WDR33: variants seen among roughly 807,000 people sequenced by gnomAD.
The protein encoded by WDR33 is pre-mRNA 3' end processing protein WDR33.
In WDR33, 47 loss-of-function variants were observed where a neutral mutation model predicts 164.9. The observed-to-expected ratio is 0.29, with a 90% CI of 0.23 to 0.36. The LOEUF (loss-of-function observed/expected upper bound fraction) is 0.36. Among genes scored for constraint, WDR33 ranks in the 10% least tolerant of loss-of-function variants. The probability of loss-of-function intolerance (pLI) is 1.00; values close to 1 mark genes in which losing one functional copy is unlikely to be tolerated. For missense variants in WDR33, 1,137 were observed against 1,754.1 expected, an observed-to-expected ratio of 0.65 and a Z score of 6.28; for synonymous variants, 505 against 589.0, an observed-to-expected ratio of 0.86 and a Z score of 2.06.
intron 1 of WDR33, among the ~76,000 whole-genome samples, chr2:127,802,987 A>G (rs1235056714): frequency 2.0e-5 from 3 of 152,142 alleles, no homozygotes; most frequent in African/African-American, 7.2e-5. Flanking sequence ...TCTCAAAAAC[A>G]AACAAACAAA....
intron 1 of WDR33, among the ~76,000 whole-genome samples, chr2:127,786,233 CTG>C (rs1223019777): frequency 6.6e-6 from 1 of 152,172 alleles, no homozygotes; most frequent in Non-Finnish European, 1.5e-5. Flanking sequence ...CAGGGTCTCA[CTG>C]TGTTGTCCAG....
At chr2:127,805,790 A>C (rs1312850930) in intron 1 of WDR33, among the ~76,000 whole-genome samples, 2 of 152,216 alleles carry the variant, frequency 1.3e-5, no homozygotes, top group Non-Finnish European at 2.9e-5. Flanking sequence ...TCTGGCAGAA[A>C]GTAAGCTGTG....
intron 7 of WDR33, among the ~76,000 whole-genome samples, chr2:127,758,616 CTCTTTA>C (rs1283749650): frequency 6.6e-6 from 1 of 152,244 alleles, no homozygotes; most frequent in South Asian, 2.1e-4. Context: ...TTAACTGATT[CTCTTTA>C]TGAGTATAAT....
rs771559788 is a variant in WDR33, at chr2:127,724,974, C to A, written c.1007-9G>T. The A allele has an allele frequency of 6.2e-7, 1 of 1,614,124 alleles. No homozygotes were observed. The highest frequency in any genetic ancestry group is 1.7e-5 in the Admixed American group (1 of 60,018). ...AGGATGCCAGGCCACAGCTGCAGAA[C>A]AAAAACATGGGAAAAGACACAATTA... On this transcript the variant is annotated splice_polypyrimidine_tract_variant and intron_variant, in intron 9 of 21. Transcript: ENST00000322313. The surrounding 1 kb of genome is among the most constrained non-coding windows in gnomAD (Gnocchi z 4.8).
At position 127,719,292 on chromosome 2, in the gene WDR33, A is replaced by G; in HGVS notation, c.2733T>C (p.Gly911=). 2 of 1,456,340 alleles carry G rather than the reference A, an allele frequency of 1.4e-6. No individual in the cohort carries two copies. Among genetic ancestry groups the G allele is most frequent in the Non-Finnish European group, 1.8e-6 (2 of 1,102,982 alleles). The allele number at this position is 1,456,340 out of a possible 1,614,324, so 90.2% of individuals were successfully genotyped here. Reference sequence around the variant, plus strand: ...GGTTGAAGGGGGCCCGGGGCCCATCACCTAGCAGAGGCGTTTTCTGTTGCT... The same window carrying G: ...GGTTGAAGGGGGCCCGGGGCCCATCGCCTAGCAGAGGCGTTTTCTGTTGCT... ...PFQQQKTPLL[G]DGPRAPFNQE... The change falls in exon 16 of 22, where the codon GGT becomes GGC. Residue 911 remains glycine, a synonymous_variant. Coordinates refer to ENST00000322313, the MANE Select transcript of WDR33 (RefSeq NM_018383.5). This position sits in a 1 kb window ranked among gnomAD's most constrained non-coding sequence, Gnocchi z 6.5.
chr2:127,738,180 G>A lies in WDR33; in HGVS notation c.725-11403C>T. ...ATTTTTTTCTATTAATGAGTAATCT[G>A]AGATAACATATGCTCCAACTGGATC... On this transcript the variant is annotated intron_variant, in intron 7 of 21. Coordinates refer to ENST00000322313, the MANE Select transcript of WDR33 (RefSeq NM_018383.5). This position sits in a 1 kb window ranked among gnomAD's most constrained non-coding sequence, Gnocchi z 4.4. 1 of 715,680 alleles carries A rather than the reference G, an allele frequency of 1.4e-6. No individual in the cohort carries two copies. The highest frequency in any genetic ancestry group is 3.4e-5 in the South Asian group (1 of 29,666). The allele number at this position is 715,680 out of a possible 1,614,324, so 44.3% of individuals were successfully genotyped here.
rs1285468948 is a variant in WDR33, at chr2:127,765,101, C to A, written c.474+73G>T. 7 of 1,554,808 alleles carry A rather than the reference C, an allele frequency of 4.5e-6. No homozygotes were observed. The East Asian group carries it at 6.8e-5, about 15-fold the overall frequency. ...CGTCCCAATTCTAAGTTTAACAATG[C>A]CAATGAAATGACTATATCTCAAGTT... On this transcript the variant is annotated intron_variant, in intron 5 of 21. Coordinates refer to ENST00000322313, the MANE Select transcript of WDR33 (RefSeq NM_018383.5).
chr2:127,787,608 C>T (rs1372852541), intron 1 of WDR33, among the ~76,000 whole-genome samples: 15 of 71,720 alleles, frequency 2.1e-4, no homozygotes, highest in African/African-American at 3.5e-4. Context: ...CCAGTAGGGG[C>T]GGCCGGGCAG....
At chr2:127,788,250 C>G (rs1688679310) in intron 1 of WDR33, among the ~76,000 whole-genome samples, 2 of 48,216 alleles carry the variant, frequency 4.1e-5, no homozygotes, top group East Asian at 8.7e-4. Context: ...AGGGGGCTGA[C>G]CCCCCCCACC....
At chr2:127,725,910 A>T (rs186086332) in intron 8 of WDR33, among the ~76,000 whole-genome samples, 1 of 152,318 alleles carries the variant, frequency 6.6e-6, no homozygotes, top group Non-Finnish European at 1.5e-5. Flanking sequence ...TAATTAAGAC[A>T]AAGCATAAAA....
In WDR33 at chr2:127,789,891, A is replaced by G. The variant is rs1028690251; in HGVS notation, c.-23-18887T>C. Among the ~76,000 whole-genome samples, 147 of 152,114 alleles carry G rather than the reference A, an allele frequency of 9.7e-4. 1 individual carries two copies. Among genetic ancestry groups the G allele is most frequent in the African/African-American group, 3.4e-3 (142 of 41,510 alleles). Reference sequence around the variant, plus strand: ...CACTCTGTCACCCAGGCTGGAGTGCAGTGGTGTGATCTCGGCTCACTGCAG... The same window carrying G: ...CACTCTGTCACCCAGGCTGGAGTGCGGTGGTGTGATCTCGGCTCACTGCAG... On this transcript the variant is annotated intron_variant, in intron 1 of 21. Coordinates refer to ENST00000322313, the MANE Select transcript of WDR33 (RefSeq NM_018383.5).
intron 7 of WDR33, among the ~76,000 whole-genome samples, chr2:127,740,036 T>C (rs80015150): frequency 0.018 from 2,723 of 151,460 alleles, 145 homozygotes; most frequent in South Asian, 0.17. Flanking sequence ...GTTGATTATG[T>C]TTTTTTTTAA....
Position 127,720,251 on chromosome 2 carries a change from C to T in WDR33, c.1774G>A (p.Gly592Ser). Reference sequence around the variant, plus strand: ...CCTTGAGGAATCTGAGACATTGGACCTTGTCCTGGAAAAGGCTGGGGTCCG... The same window carrying T: ...CCTTGAGGAATCTGAGACATTGGACTTTGTCCTGGAAAAGGCTGGGGTCCG... ...LLGPQPFPGQ[G>S]PMSQIPQGFQ... is the part of the protein sequence containing the mutation. The change falls in exon 16 of 22, where the codon GGT (glycine) becomes AGT (serine). Residue 592 changes from glycine (G) to serine (S), a missense_variant. Coordinates refer to ENST00000322313, the MANE Select transcript of WDR33 (RefSeq NM_018383.5). This position sits in a 1 kb window ranked among gnomAD's most constrained non-coding sequence, Gnocchi z 5.9. 1 of 1,569,330 alleles carries T rather than the reference C, an allele frequency of 6.4e-7. No homozygotes were observed. Among genetic ancestry groups the T allele is most frequent in the Non-Finnish European group, 8.6e-7 (1 of 1,157,084 alleles).
At position 127,701,899 on chromosome 2, in the gene WDR33, C is replaced by A. The variant is rs147371476; in HGVS notation, c.*4424G>T. 0.035 allele frequency: 51,070 copies of A among 1,455,276 alleles called. 1,069 individuals carry two copies. The highest frequency in any genetic ancestry group is 0.066 in the Middle Eastern group (277 of 4,190). The allele number at this position is 1,455,276 out of a possible 1,614,324, so 90.1% of individuals were successfully genotyped here. On this transcript the variant is annotated 3_prime_UTR_variant, in exon 22 of 22. Coordinates refer to ENST00000322313, the MANE Select transcript of WDR33 (RefSeq NM_018383.5). ...TCGGCGCTGGCGTTGGCGGGAAGCG[C>A]GCTGCTGCGGGGCGGCGCGGCGTGC...
chr2:127,783,229 G>GATACTGTACTGGGCATTTAC (rs1688435227), intron 1 of WDR33, among the ~76,000 whole-genome samples: 1 of 152,128 alleles, frequency 6.6e-6, no homozygotes, highest in Admixed American at 6.5e-5. Context: ...CATGTTACCT[G>GATACTGTACTGGGCATTTAC]ATACTGTACT....
At position 127,714,080 on chromosome 2, in the gene WDR33, T is replaced by C. The variant is rs1014649217; in HGVS notation, c.2870-59A>G. On this transcript the variant is annotated intron_variant, in intron 17 of 21. Transcript: ENST00000322313. This position sits in a 1 kb window ranked among gnomAD's most constrained non-coding sequence, Gnocchi z 4.3. ...TCCAGGAAACCTGCCAACATAGGTC[T>C]GATCTGTAGCATCTCTACATTTCAG... is the stretch of plus-strand genomic sequence containing the variant. 1.7e-5 allele frequency: 25 copies of C among 1,442,282 alleles called. No homozygotes were observed. The highest frequency in any genetic ancestry group is 2.3e-5 in the Non-Finnish European group (25 of 1,092,754). The allele number at this position is 1,442,282 out of a possible 1,614,324, so 89.3% of individuals were successfully genotyped here. A position where few individuals can be genotyped will look rare whatever the true frequency, so the allele number is the denominator to read the frequency against.
At chr2:127,758,477 G>T (rs1200747315) in intron 7 of WDR33, among the ~76,000 whole-genome samples, 1 of 152,008 alleles carries the variant, frequency 6.6e-6, no homozygotes, top group Non-Finnish European at 1.5e-5. Flanking sequence ...TACTGCTCTG[G>T]TAGGGCTACT....
Position 127,735,011 on chromosome 2 carries a change from A to G in WDR33, c.725-8234T>C, listed in dbSNP as rs1686804566. ...CTTAATAAACCTTAAAATTCTAAGA[A>G]TAACATGATAAATGGATTAGGTATT... On this transcript the variant is annotated intron_variant, in intron 7 of 21. Transcript: ENST00000322313. The surrounding 1 kb of genome is among the most constrained non-coding windows in gnomAD (Gnocchi z 4.3). Among the ~76,000 whole-genome samples the G allele has an allele frequency of 6.6e-6, 1 of 152,258 alleles. No homozygotes were observed. The highest frequency in any genetic ancestry group is 2.1e-4 in the South Asian group (1 of 4,836).
At chr2:127,747,158 T>C (rs1687190291) in intron 7 of WDR33, among the ~76,000 whole-genome samples, 1 of 151,924 alleles carries the variant, frequency 6.6e-6, no homozygotes, top group African/African-American at 2.4e-5. Flanking sequence ...TGAAAATTAA[T>C]TCTGGCATCT....
Sources: allele counts gnomAD v4.1 joint callset (sites outside exome capture counted in the v4.1 genomes callset), GRCh38; gene constraint gnomAD v4.1.1; non-coding constraint Gnocchi (gnomAD v3.1); transcripts MANE v1.5; gene names NCBI Gene and HGNC (gene_info 2026-07-23, HGNC 2026-07-21).